Variants in CCDC171 observed in about 807,000 individuals in gnomAD.
CCDC171 encodes coiled-coil domain-containing protein 171.
A neutral mutation model predicts 168.2 loss-of-function variants in CCDC171; 177 were observed. That is an observed-to-expected ratio of 1.05 (90% CI 0.93 to 1.19). The LOEUF is 1.19. Among genes scored for constraint, CCDC171 ranks in the 50% most tolerant of loss-of-function variants. The probability of loss-of-function intolerance (pLI) is 0.00; values close to 1 mark genes in which losing one functional copy is unlikely to be tolerated. For synonymous variants in CCDC171, 687 were observed against 540.8 expected (o/e 1.27, Z -3.75); for missense variants, 1,991 against 1,539.0 (o/e 1.29, Z -4.91).
chr9:15,883,442 C>G (rs983216158), intron 24 of CCDC171, among the ~76,000 whole-genome samples: 1 of 151,986 alleles, frequency 6.6e-6, no homozygotes. Flanking sequence ...TAAGGTAGTG[C>G]CTTCTGTCTC....
At chr9:15,798,995 C>T (rs1032416157) in intron 21 of CCDC171, among the ~76,000 whole-genome samples, 2 of 151,224 alleles carry the variant, frequency 1.3e-5, no homozygotes, top group African/African-American at 4.9e-5. Flanking sequence ...TTCTTTCATT[C>T]TCTTTGTGTT....
At chr9:15,665,124 T>C (rs1001425224) in intron 8 of CCDC171, among the ~76,000 whole-genome samples, 2 of 151,464 alleles carry the variant, frequency 1.3e-5, no homozygotes, top group African/African-American at 2.4e-5. Context: ...GACCTAAACA[T>C]TTTTTTTTAA....
chr9:16,000,092 C>A (rs1832494709), intron 3 of CCDC171, among the ~76,000 whole-genome samples: 1 of 152,182 alleles, frequency 6.6e-6, no homozygotes, highest in South Asian at 2.1e-4. Context: ...TAACTGGATG[C>A]TGTAGGCTTT....
intron 24 of CCDC171, among the ~76,000 whole-genome samples, chr9:15,896,812 T>C (rs1165206385): frequency 6.6e-6 from 1 of 152,054 alleles, no homozygotes; most frequent in Non-Finnish European, 1.5e-5. Flanking sequence ...GACCAGTCTA[T>C]AAAGGAATAA....
chr9:16,001,670 A>G (rs1411198349), intron 3 of CCDC171, among the ~76,000 whole-genome samples: 4 of 152,076 alleles, frequency 2.6e-5, no homozygotes, highest in African/African-American at 9.7e-5. Context: ...GCCGAGTGAC[A>G]TTGTAGCTGT....
the CCDC171 span, among the ~76,000 whole-genome samples, chr9:16,088,161 A>G: frequency 1.3e-5 from 2 of 152,240 alleles, no homozygotes; most frequent in Non-Finnish European, 2.9e-5. Flanking sequence ...GGCCTTTGAT[A>G]AAATTCAACT....
intron 25 of CCDC171, among the ~76,000 whole-genome samples, chr9:15,946,994 G>T (rs1403832850): frequency 4.6e-5 from 7 of 151,842 alleles, no homozygotes; most frequent in Non-Finnish European, 8.8e-5. Flanking sequence ...ATCTGTCTCA[G>T]TTTTATTGTA....
At chr9:15,797,449 G>A (rs113504311) in intron 21 of CCDC171, among the ~76,000 whole-genome samples, 5 of 151,700 alleles carry the variant, frequency 3.3e-5, no homozygotes, top group African/African-American at 9.7e-5. Context: ...CTCCTGGGCT[G>A]AAGCAATCCA....
Position 15,744,374 on chromosome 9 carries a change from A to G in CCDC171, c.2151A>G (p.Leu717=), listed in dbSNP as rs1410453095. Residue 717 remains leucine (L), a synonymous_variant, in exon 17 of 26, where the codon TTA becomes TTG. Coordinates refer to ENST00000380701, the MANE Select transcript of CCDC171 (RefSeq NM_173550.4). ...AAAATTCGCACTTCAAAAAACTGTT[A>G]TCACAGACTCAAAGGGAACAGATGT... ...VLENSHFKKL[L]SQTQREQMSL... is the part of the protein sequence containing the mutation. 1.9e-6 allele frequency: 3 copies of G among 1,614,200 alleles called. 1 individual carries two copies. The highest frequency in any genetic ancestry group is 2.2e-5 in the South Asian group (2 of 91,084).
rs539361471 is a variant in CCDC171 at position 15,636,981 on chromosome 9, C to T, written c.822+13568C>T. Among the ~76,000 whole-genome samples, 19 of 150,582 alleles carry T rather than the reference C, an allele frequency of 1.3e-4. No homozygotes were observed. The South Asian group carries it at 1.3e-3, about 10-fold the overall frequency. ...CTCAGTTAAGAAAATATCGGCTGGG[C>T]GTGGTGGCTCATGCCTGTAATCCCA... On this transcript the variant is annotated intron_variant, in intron 7 of 25. Coordinates refer to ENST00000380701, the MANE Select transcript of CCDC171 (RefSeq NM_173550.4).
chr9:15,581,123 C>T (rs1353328217), intron 4 of CCDC171, among the ~76,000 whole-genome samples: 14 of 152,106 alleles, frequency 9.2e-5, no homozygotes. Context: ...TGCAAGCATT[C>T]CTATACACCA....
In CCDC171 at chr9:15,744,694, T is replaced by C; in HGVS notation, c.2471T>C (p.Leu824Pro). 1.9e-6 allele frequency: 3 copies of C among 1,614,136 alleles called. No individual in the cohort carries two copies. The highest frequency in any genetic ancestry group is 2.5e-6 in the Non-Finnish European group (3 of 1,180,010). Reference protein sequence around the residue: ...LKILGQSCASLFTWMESFKEG... With the variant: ...LKILGQSCASPFTWMESFKEG... ...ATTTTGGGCCAATCATGTGCCTCTC[T>C]TTTTACCTGGATGGAGAGTTTCAAA... Residue 824 changes from leucine (L) to proline (P), a missense_variant, in exon 17 of 26, where the codon CTT becomes CCT. Leu to Pro is a moderately conservative substitution (Grantham distance 98, BLOSUM62 -3). Coordinates refer to ENST00000380701, the MANE Select transcript of CCDC171 (RefSeq NM_173550.4).
chr9:15,979,746 T>G (rs1831734995), intron 3 of CCDC171, among the ~76,000 whole-genome samples: 1 of 151,994 alleles, frequency 6.6e-6, no homozygotes, highest in South Asian at 2.1e-4. Flanking sequence ...AGTATTTGTT[T>G]GAAGTTTTCT....
At chr9:16,010,749 T>TA (rs78310900) in intron 3 of CCDC171, among the ~76,000 whole-genome samples, 192 of 148,060 alleles carry the variant, frequency 1.3e-3, no homozygotes, top group Admixed American at 2.3e-3. Flanking sequence ...AACAGTTTAT[T>TA]AAAAAAAAAA....
At chr9:15,828,365 C>T (rs1271982805) in intron 21 of CCDC171, among the ~76,000 whole-genome samples, 1 of 150,066 alleles carries the variant, frequency 6.7e-6, no homozygotes. Context: ...AAAAGTGATA[C>T]GTGAAGAATT....
intron 16 of CCDC171, among the ~76,000 whole-genome samples, chr9:15,741,516 T>C (rs529609433): frequency 7.9e-5 from 12 of 152,220 alleles, no homozygotes; most frequent in Non-Finnish European, 1.6e-4. Context: ...ACATTTTGTT[T>C]ATTCATTCAT....
chr9:15,906,700 G>C (rs982863524), intron 24 of CCDC171, among the ~76,000 whole-genome samples: 1 of 152,160 alleles, frequency 6.6e-6, no homozygotes, highest in Non-Finnish European at 1.5e-5. Context: ...AGGAAATAAA[G>C]GGTATTCAAT....
At chr9:15,978,523 T>C (rs1831690879), downstream of CCDC171, among the ~76,000 whole-genome samples, 1 of 152,158 alleles carries the variant, frequency 6.6e-6, no homozygotes, top group Admixed American at 6.5e-5. Context: ...ATCCCTGTTC[T>C]TCCTAAGAGA....
intron 21 of CCDC171, among the ~76,000 whole-genome samples, chr9:15,812,596 G>A (rs1331616989): frequency 1.3e-5 from 2 of 152,100 alleles, no homozygotes; most frequent in African/African-American, 4.8e-5. Context: ...TTTCATATAT[G>A]GCCATGGAAG....
Sources: allele counts gnomAD v4.1 joint callset (sites outside exome capture counted in the v4.1 genomes callset), GRCh38; gene constraint gnomAD v4.1.1; transcripts MANE v1.5; gene names NCBI Gene and HGNC (gene_info 2026-07-23, HGNC 2026-07-21).